The following HSCB variants were observed in gnomAD, a reference collection of about 807,000 sequenced individuals.
The protein encoded by HSCB is HscB mitochondrial iron-sulfur cluster cochaperone, also known as iron-sulfur cluster co-chaperone protein HscB.
In HSCB, 23 loss-of-function variants were observed where a neutral mutation model predicts 31.3. That is an observed-to-expected ratio of 0.74 (90% CI 0.53 to 1.04). HSCB has a LOEUF of 1.04. Among genes scored for constraint, HSCB ranks in the 50% least tolerant of loss-of-function variants. HSCB has a pLI of 0.00. For synonymous variants in HSCB, 110 were observed against 104.5 expected (o/e 1.05, Z -0.32); for missense variants, 297 against 288.1 (o/e 1.03, Z -0.22).
rs563701958 is a variant in HSCB, at chr22:28,750,247, C to CAAAAAAAAAAA, written c.569-975_569-965dup. Among the ~76,000 whole-genome samples the CAAAAAAAAAAA allele has an allele frequency of 1.2e-3, 75 of 64,706 alleles. 1 individual carries two copies. Among genetic ancestry groups the CAAAAAAAAAAA allele is most frequent in the East Asian group, 9.2e-3 (24 of 2,620 alleles). The allele number at this position is 64,706 out of a possible 152,430, so 42.4% of individuals were successfully genotyped here. On this transcript the variant is annotated intron_variant, in intron 4 of 5. Coordinates refer to ENST00000216027, the MANE Select transcript of HSCB (RefSeq NM_172002.5). The stretch of plus-strand genomic sequence containing the variant: ...CTGGGCAACAAGAGCGAAACTGTCT[C>CAAAAAAAAAAA]AAAAAAAAAAAAAAAAAAAAAAAAA...
chr22:28,743,747 C>A, intron 1 of HSCB, 135 bp from the exon 2 acceptor site: 1 of 694,614 alleles, frequency 1.4e-6, no homozygotes, highest in South Asian at 1.7e-5. Flanking sequence ...TGTGTCCCTT[C>A]ATAGGACTTA....
intron 1 of HSCB, chr22:28,742,535 G>A: frequency 2.2e-6 from 2 of 902,262 alleles, no homozygotes; most frequent in South Asian, 1.8e-5. Flanking sequence ...ACGTTGAGGT[G>A]TGGAGAAGGG....
chr22:28,749,694 G>T (rs2079385382), intron 4 of HSCB, among the ~76,000 whole-genome samples: 1 of 152,166 alleles, frequency 6.6e-6, no homozygotes, highest in South Asian at 2.1e-4. Flanking sequence ...GGGACCGTCA[G>T]CTTGGAGATA....
chr22:28,757,038 T>C, intron 5 of HSCB, 40 bp from the exon 6 acceptor site: 1 of 1,210,296 alleles, frequency 8.3e-7, no homozygotes, highest in Non-Finnish European at 1.2e-6. Flanking sequence ...TTATTCTTGC[T>C]TGAAATGAAG....
chr22:28,743,749 T>C (rs898703150), intron 1 of HSCB, 133 bp from the exon 2 acceptor site: 14 of 704,126 alleles, frequency 2.0e-5, no homozygotes, highest in Non-Finnish European at 3.5e-5. Flanking sequence ...TGTCCCTTCA[T>C]AGGACTTACC....
Position 28,746,004 on chromosome 22 carries a change from C to A in HSCB, c.564C>A (p.Val188=). The A allele has an allele frequency of 6.2e-7, 1 of 1,608,982 alleles. No homozygotes were observed. The highest frequency in any genetic ancestry group is 1.1e-5 in the South Asian group (1 of 89,896). ...EAAMKEIESI[V]KAKQKEFTDN... Reference sequence around the variant, plus strand: ...CCATGAAAGAGATTGAATCCATTGTCAAAGGTGAAAGATAAAATAGCACTG... The same window carrying A: ...CCATGAAAGAGATTGAATCCATTGTAAAAGGTGAAAGATAAAATAGCACTG... Residue 188 remains valine (V), a synonymous_variant, in exon 4 of 6, where the codon GTC becomes GTA. Transcript: ENST00000216027.
chr22:28,746,693 A>G lies in HSCB; in HGVS notation c.568+685A>G, dbSNP rs956276891. On this transcript the variant is annotated intron_variant, in intron 4 of 5. Coordinates refer to ENST00000216027, the MANE Select transcript of HSCB (RefSeq NM_172002.5). ...GGCGGGTGGGTCACCTGAGGTTGGGAGTTCGAGACCAGCCAGGCCAACATG... is the reference window on the plus strand; with the variant it reads ...GGCGGGTGGGTCACCTGAGGTTGGGGGTTCGAGACCAGCCAGGCCAACATG... 4.3e-4 allele frequency among the ~76,000 whole-genome samples: 66 copies of G among 152,152 alleles called. 1 individual carries two copies. The highest frequency in any genetic ancestry group is 5.9e-4 in the Admixed American group (9 of 15,272).
At chr22:28,743,292 G>A (rs974854804) in intron 1 of HSCB, among the ~76,000 whole-genome samples, 1 of 152,098 alleles carries the variant, frequency 6.6e-6, no homozygotes, top group Non-Finnish European at 1.5e-5. Context: ...CCACCTGGGG[G>A]ATAGTAGAGG....
rs769122374 is a variant in HSCB, at chr22:28,743,915, C to G, written c.270C>G (p.Leu90=). The G allele has an allele frequency of 3.3e-5, 53 of 1,614,072 alleles. No individual in the cohort carries two copies. Among genetic ancestry groups the G allele is most frequent in the Non-Finnish European group, 4.2e-5 (50 of 1,180,034 alleles). Residue 90 remains leucine (L), a synonymous_variant, in exon 2 of 6, where the codon CTC becomes CTG. Coordinates refer to ENST00000216027, the MANE Select transcript of HSCB (RefSeq NM_172002.5). Reference sequence around the variant, plus strand: ...CCTTCAGAGTTGATACAGCGAAGCTCCAGCACAGGTACCAGCAACTGCAGC... The same window carrying G: ...CCTTCAGAGTTGATACAGCGAAGCTGCAGCACAGGTACCAGCAACTGCAGC... ...NRSFRVDTAK[L]QHRYQQLQRL...
chr22:28,744,643 C>T lies in HSCB; in HGVS notation c.362C>T (p.Ser121Leu), dbSNP rs774561408. 13 of 1,613,574 alleles carry T rather than the reference C, an allele frequency of 8.1e-6. No individual in the cohort carries two copies. The highest frequency in any genetic ancestry group is 1.1e-5 in the Non-Finnish European group (13 of 1,179,608). ...QTEKDFSEKH[S>L]TLVNDAYKTL... The stretch of plus-strand genomic sequence containing the variant: ...GAAAAGGACTTCTCAGAGAAGCATT[C>T]GACCCTGGTGAATGATGCCTATAAG... Residue 121 changes from serine (S) to leucine (L), a missense_variant, in exon 3 of 6, where the codon TCG (serine) becomes TTG (leucine). Ser to Leu is a moderately radical substitution (Grantham distance 145, BLOSUM62 -2). Transcript: ENST00000216027.
chr22:28,749,885 A>G (rs1177205875), intron 4 of HSCB, among the ~76,000 whole-genome samples: 1 of 152,082 alleles, frequency 6.6e-6, no homozygotes, highest in Non-Finnish European at 1.5e-5. Context: ...CAATTTCCTC[A>G]TCTGTACGTG....
At chr22:28,743,364 A>G (rs2054622797) in intron 1 of HSCB, among the ~76,000 whole-genome samples, 1 of 152,174 alleles carries the variant, frequency 6.6e-6, no homozygotes. Context: ...ATTCTAGCTA[A>G]ACTGACTTGG....
intron 5 of HSCB, among the ~76,000 whole-genome samples, chr22:28,753,027 C>T (rs541127314): frequency 6.0e-5 from 9 of 148,970 alleles, no homozygotes; most frequent in South Asian, 2.1e-4. Flanking sequence ...TGCAGTGAGC[C>T]GAGATCACGC....
intron 5 of HSCB, among the ~76,000 whole-genome samples, chr22:28,754,563 G>A (rs1354818689): frequency 6.6e-6 from 1 of 151,862 alleles, no homozygotes; most frequent in Non-Finnish European, 1.5e-5. Flanking sequence ...CCAGCTACTT[G>A]GGAGTCTGAG....
At chr22:28,748,372 C>A (rs915503434) in intron 4 of HSCB, among the ~76,000 whole-genome samples, 1 of 152,182 alleles carries the variant, frequency 6.6e-6, no homozygotes, top group South Asian at 2.1e-4. Flanking sequence ...TTCACTGCCA[C>A]CAGCCTTTTC....
rs746563257 is a variant in HSCB at position 28,744,722 on chromosome 22, C to T, written c.423+18C>T. 8 of 1,583,898 alleles carry T rather than the reference C, an allele frequency of 5.1e-6. No individual in the cohort carries two copies. Among genetic ancestry groups the T allele is most frequent in the Middle Eastern group, 3.3e-4 (2 of 6,014 alleles). On this transcript the variant is annotated intron_variant, in intron 3 of 5. Transcript: ENST00000216027. The stretch of plus-strand genomic sequence containing the variant: ...TGTACCTTGTAAGGTGATTTCCCAA[C>T]ACTTCTGTGTATGACGTCCTGATGC...
chr22:28,750,670 T>C (rs1168608212), intron 4 of HSCB, among the ~76,000 whole-genome samples: 1 of 152,212 alleles, frequency 6.6e-6, no homozygotes, highest in Non-Finnish European at 1.5e-5. Context: ...TATTTATATC[T>C]GGAAAATGAG....
intron 5 of HSCB, among the ~76,000 whole-genome samples, chr22:28,754,310 A>T (rs1031521494): frequency 2.0e-5 from 3 of 152,144 alleles, no homozygotes; most frequent in Non-Finnish European, 2.9e-5. Context: ...GGGGGGATAG[A>T]GTCAGGAAGA....
At chr22:28,754,878 C>T (rs1300636696) in intron 5 of HSCB, among the ~76,000 whole-genome samples, 1 of 150,820 alleles carries the variant, frequency 6.6e-6, no homozygotes, top group Non-Finnish European at 1.5e-5. Context: ...TCACTGCAAC[C>T]TCAGCCTTTC....
Sources: gnomAD v4.1 joint callset for allele counts (sites outside exome capture counted in the v4.1 genomes callset) on GRCh38, gnomAD v4.1.1 for gene constraint, MANE v1.5 for transcripts, NCBI Gene and HGNC (gene_info 2026-07-23, HGNC 2026-07-21) for gene names.